CLNK: variants seen among roughly 807,000 people sequenced by gnomAD.
CLNK encodes the protein cytokine dependent hematopoietic cell linker, also known as cytokine-dependent hematopoietic cell linker.
CLNK carries 74 observed loss-of-function variants against 68.6 expected under a neutral mutation model. The observed-to-expected ratio is 1.08, with a 90% CI of 0.89 to 1.31. The LOEUF (loss-of-function observed/expected upper bound fraction) is 1.31. CLNK is among the 50% of genes most tolerant of loss of function. The pLI, the probability that CLNK is intolerant of heterozygous loss-of-function variation, is 0.00. For missense variants in CLNK, 553 were observed against 515.3 expected (o/e 1.07, Z -0.71); for synonymous variants, 198 against 172.2 (o/e 1.15, Z -1.17).
At chr4:10,503,432 A>C (rs1717140847) in intron 17 of CLNK, among the ~76,000 whole-genome samples, 1 of 151,444 alleles carries the variant, frequency 6.6e-6, no homozygotes, top group Non-Finnish European at 1.5e-5. Context: ...ACTGCACTCC[A>C]GCCTGGGTGA....
chr4:10,580,536 G>A (rs1455387568), intron 4 of CLNK, among the ~76,000 whole-genome samples: 1 of 152,118 alleles, frequency 6.6e-6, no homozygotes, highest in African/African-American at 2.4e-5. Context: ...AGGACAAGAT[G>A]TGGAGGCGGA....
chr4:10,640,735 A>G (rs1723278206), intron 2 of CLNK, among the ~76,000 whole-genome samples: 1 of 152,242 alleles, frequency 6.6e-6, no homozygotes, highest in South Asian at 2.1e-4. Context: ...CTCTTCCATC[A>G]TCACACTTCT....
rs1366626380 is a variant in CLNK at position 10,490,044 on chromosome 4, T to A, written c.*423A>T. On this transcript the variant is annotated 3_prime_UTR_variant, in exon 19 of 19. Transcript: ENST00000226951. ...CAACTGACATAAAGGCAGCGCAGTG[T>A]CCTGTAAAGAGCACAGATTTGGGAA... The A allele has an allele frequency of 5.9e-6, 1 of 168,632 alleles. No individual in the cohort carries two copies. Among genetic ancestry groups the A allele is most frequent in the Non-Finnish European group, 1.3e-5 (1 of 78,978 alleles). 10.4% of individuals were successfully genotyped at this position (168,632 alleles called of 1,614,324 possible).
intron 13 of CLNK, among the ~76,000 whole-genome samples, chr4:10,526,696 C>G (rs1718335780): frequency 6.6e-6 from 1 of 152,140 alleles, no homozygotes; most frequent in South Asian, 2.1e-4. Context: ...AGGTTCCGAC[C>G]AGGGATACAG....
chr4:10,634,508 T>G (rs1723007856), intron 2 of CLNK, among the ~76,000 whole-genome samples: 1 of 152,190 alleles, frequency 6.6e-6, no homozygotes, highest in African/African-American at 2.4e-5. Flanking sequence ...CTCTCCACAT[T>G]TGATCTAAGG....
intron 2 of CLNK, among the ~76,000 whole-genome samples, chr4:10,658,259 A>G (rs1243829574): frequency 1.3e-5 from 2 of 152,202 alleles, no homozygotes; most frequent in South Asian, 4.1e-4. Context: ...CTTACAATGA[A>G]TGTTCTTCAT....
intron 2 of CLNK, chr4:10,656,462 G>T (rs1052844826): frequency 6.6e-6 from 1 of 151,552 alleles, no homozygotes; most frequent in African/African-American, 2.4e-5. Flanking sequence ...ACAAAATACA[G>T]ATTAAAGCTA....
chr4:10,561,367 A>T (rs1719882577), intron 7 of CLNK, among the ~76,000 whole-genome samples: 1 of 152,224 alleles, frequency 6.6e-6, no homozygotes, highest in Non-Finnish European at 1.5e-5. Flanking sequence ...AGCCAAAGGA[A>T]GAAACTTGTT....
chr4:10,564,981 G>C (rs1427527679), intron 6 of CLNK, among the ~76,000 whole-genome samples: 1 of 152,134 alleles, frequency 6.6e-6, no homozygotes, highest in African/African-American at 2.4e-5. Flanking sequence ...AAATGCCAAA[G>C]TTTGAACCTG....
chr4:10,707,041 A>C, the CLNK span, among the ~76,000 whole-genome samples: 2 of 142,126 alleles, frequency 1.4e-5, no homozygotes, highest in Non-Finnish European at 3.1e-5. Flanking sequence ...TTAGGCCTCC[A>C]AAGTGCTGGG....
At chr4:10,680,363 G>T (rs1725049722) in intron 1 of CLNK, among the ~76,000 whole-genome samples, 1 of 127,154 alleles carries the variant, frequency 7.9e-6, no homozygotes, top group Non-Finnish European at 1.6e-5. Flanking sequence ...ACTGGGGCCT[G>T]TGGTGGGTTG....
At chr4:10,561,139 A>G (rs1314513534) in intron 7 of CLNK, among the ~76,000 whole-genome samples, 1 of 151,978 alleles carries the variant, frequency 6.6e-6, no homozygotes, top group Non-Finnish European at 1.5e-5. Context: ...GGGCTGAAGC[A>G]ATTCACCTAC....
chr4:10,601,680 T>C (rs373881929), intron 2 of CLNK, among the ~76,000 whole-genome samples: 13 of 152,220 alleles, frequency 8.5e-5, no homozygotes, highest in African/African-American at 3.1e-4. Context: ...CTACCCCACC[T>C]GGGGAGGACA....
At chr4:10,733,212 C>A in the CLNK span, among the ~76,000 whole-genome samples, 3 of 152,090 alleles carry the variant, frequency 2.0e-5, no homozygotes, top group Non-Finnish European at 4.4e-5. Context: ...ATGGCAAGAG[C>A]CCTGATGCCA....
chr4:10,601,861 G>A (rs1721601479), intron 2 of CLNK, among the ~76,000 whole-genome samples: 1 of 152,192 alleles, frequency 6.6e-6, no homozygotes, highest in Non-Finnish European at 1.5e-5. Flanking sequence ...CTGGCCAAGT[G>A]TCCTCCAGGG....
intron 11 of CLNK, among the ~76,000 whole-genome samples, chr4:10,537,682 C>CTTTCTTTCTTT (rs1560206905): frequency 3.1e-4 from 7 of 22,496 alleles, no homozygotes; most frequent in African/African-American, 9.7e-4. Context: ...TTTCTTTCTT[C>CTTTCTTTCTTT]CTTCCTTCCT....
chr4:10,497,188 C>A (rs373587884), intron 18 of CLNK, among the ~76,000 whole-genome samples: 2 of 152,086 alleles, frequency 1.3e-5, no homozygotes, highest in East Asian at 3.8e-4. Flanking sequence ...TAGCACCTAC[C>A]CCAGAGGTTG....
chr4:10,720,235 GA>G, the CLNK span, among the ~76,000 whole-genome samples: 4 of 151,444 alleles, frequency 2.6e-5, no homozygotes, highest in African/African-American at 9.7e-5. Context: ...ATATATTACA[GA>G]AAAAAAATCA....
rs926252600 is a variant in CLNK, at chr4:10,520,646, C to G, written c.772+145G>C. 6 of 587,396 alleles carry G rather than the reference C, an allele frequency of 1.0e-5. No homozygotes were observed. The South Asian group carries it at 1.4e-4, about 13-fold the overall frequency. 36.4% of individuals were successfully genotyped at this position (587,396 alleles called of 1,614,324 possible). Reference sequence around the variant, plus strand: ...TTTAATCATGGAATAAAATTATTGTCATAGTAACGCAATGGAAATGAGCTA... The same window carrying G: ...TTTAATCATGGAATAAAATTATTGTGATAGTAACGCAATGGAAATGAGCTA... On this transcript the variant is annotated intron_variant, in intron 15 of 18. Transcript: ENST00000226951.
Sources: gnomAD v4.1 joint callset for allele counts (sites outside exome capture counted in the v4.1 genomes callset) on GRCh38, gnomAD v4.1.1 for gene constraint, MANE v1.5 for transcripts, NCBI Gene and HGNC (gene_info 2026-07-23, HGNC 2026-07-21) for gene names.